Variants in STAM observed in about 807,000 individuals in gnomAD.
STAM encodes the protein signal transducing adaptor molecule, also known as signal transducing adapter molecule 1.
In STAM, 16 loss-of-function variants were observed where a neutral mutation model predicts 63.4. That is an observed-to-expected ratio of 0.25 (90% CI 0.17 to 0.38). STAM has a LOEUF of 0.38. Among genes scored for constraint, STAM ranks in the 10% least tolerant of loss-of-function variants. STAM has a pLI of 1.00. For missense variants in STAM, 636 were observed against 657.1 expected (o/e 0.97, Z 0.35); for synonymous variants, 238 against 223.9 (o/e 1.06, Z -0.56).
At chr10:17,686,729 T>C (rs942708310) in intron 4 of STAM, among the ~76,000 whole-genome samples, 7 of 152,244 alleles carry the variant, frequency 4.6e-5, no homozygotes, top group Admixed American at 1.3e-4. Context: ...TAAGTTCATG[T>C]ATAGTCTCAA....
At chr10:17,714,399 G>C (rs1836708507) in intron 13 of STAM, 144 bp from the exon 14 acceptor site, 1 of 766,826 alleles carries the variant, frequency 1.3e-6, no homozygotes, top group Non-Finnish European at 2.2e-6. Context: ...AAATAACAAT[G>C]TTTGGCACAT....
Position 17,715,217 on chromosome 10 carries a change from A to G in STAM, c.*437A>G, listed in dbSNP as rs555045009. ...TTTACGTTGCTATTTTATTTTAATC[A>G]TAAACAACTACCATGTTTCTTAATG... On this transcript the variant is annotated 3_prime_UTR_variant, in exon 14 of 14. Transcript: ENST00000377524. 50 of 171,316 alleles carry G rather than the reference A, an allele frequency of 2.9e-4. No homozygotes were observed. The highest frequency in any genetic ancestry group is 4.8e-4 in the Non-Finnish European group (37 of 77,386). 10.6% of individuals were successfully genotyped at this position (171,316 alleles called of 1,614,324 possible).
At chr10:17,695,335 A>C in intron 7 of STAM, 94 bp downstream of exon 7, 5 of 1,183,688 alleles carry the variant, frequency 4.2e-6, no homozygotes, top group Non-Finnish European at 5.9e-6. Context: ...CAAATACAAT[A>C]ATAAATATTG....
At chr10:17,686,600 G>GA in intron 4 of STAM, among the ~76,000 whole-genome samples, 1 of 152,152 alleles carries the variant, frequency 6.6e-6, no homozygotes, top group East Asian at 1.9e-4. Flanking sequence ...GGCCAGTCTC[G>GA]AACTCCTGAC....
intron 2 of STAM, among the ~76,000 whole-genome samples, chr10:17,668,464 C>T (rs1382189873): frequency 2.0e-5 from 3 of 152,156 alleles, no homozygotes; most frequent in Non-Finnish European, 2.9e-5. Context: ...CCATAGTTTG[C>T]ATTAAGGTAC....
At chr10:17,668,473 A>G (rs1428530093) in intron 2 of STAM, among the ~76,000 whole-genome samples, 3 of 152,230 alleles carry the variant, frequency 2.0e-5, no homozygotes, top group Non-Finnish European at 4.4e-5. Flanking sequence ...GCATTAAGGT[A>G]CACTTTGTTT....
intron 1 of STAM, among the ~76,000 whole-genome samples, chr10:17,650,682 C>T (rs1344265112): frequency 6.6e-6 from 1 of 152,174 alleles, no homozygotes; most frequent in Non-Finnish European, 1.5e-5. Context: ...CTGTTCTTCC[C>T]TGCTTCCAGT....
intron 1 of STAM, among the ~76,000 whole-genome samples, chr10:17,645,669 A>G (rs1833492672): frequency 6.6e-6 from 1 of 152,140 alleles, no homozygotes; most frequent in Non-Finnish European, 1.5e-5. Context: ...TTAGCAGTGG[A>G]CAGAACCTTG....
At chr10:17,663,909 A>T (rs61842290) in intron 2 of STAM, among the ~76,000 whole-genome samples, 1 of 152,028 alleles carries the variant, frequency 6.6e-6, no homozygotes, top group Non-Finnish European at 1.5e-5. Context: ...TAAGGGTCAT[A>T]TTAGGACATT....
At chr10:17,668,171 C>T (rs940178469) in intron 2 of STAM, among the ~76,000 whole-genome samples, 5 of 152,052 alleles carry the variant, frequency 3.3e-5, no homozygotes, top group Admixed American at 2.6e-4. Flanking sequence ...GGCAGTGATC[C>T]AGTAGCTAAA....
At chr10:17,705,109 T>G in intron 11 of STAM, 85 bp downstream of exon 11, 1 of 1,024,656 alleles carries the variant, frequency 9.8e-7, no homozygotes, top group African/African-American at 1.6e-5. Flanking sequence ...AACTGCCTTT[T>G]AAAAAAAAAA....
At chr10:17,655,710 T>C (rs1003254923) in intron 1 of STAM, among the ~76,000 whole-genome samples, 4 of 152,160 alleles carry the variant, frequency 2.6e-5, no homozygotes, top group African/African-American at 9.7e-5. Flanking sequence ...CATTATCACT[T>C]GGTCAAGACC....
intron 4 of STAM, 76 bp from the exon 5 acceptor site, chr10:17,687,951 T>G: frequency 7.9e-7 from 1 of 1,262,628 alleles, no homozygotes; most frequent in Non-Finnish European, 1.1e-6. Context: ...ACTTAATAAC[T>G]TTACTATTTA....
At chr10:17,685,415 C>G (rs537486913) in intron 4 of STAM, among the ~76,000 whole-genome samples, 4 of 152,000 alleles carry the variant, frequency 2.6e-5, no homozygotes, top group Non-Finnish European at 5.9e-5. Flanking sequence ...AAAGTGGTGG[C>G]GGGGGAGTTT....
intron 1 of STAM, among the ~76,000 whole-genome samples, chr10:17,646,739 A>C (rs372564298): frequency 6.6e-6 from 1 of 152,240 alleles, no homozygotes; most frequent in South Asian, 2.1e-4. Context: ...TTCCCAGTAC[A>C]TAAGCCTTGC....
rs10673746 is a variant in STAM at position 17,666,387 on chromosome 10, A to ATTTTT, written c.125+5860_125+5864dup. The stretch of plus-strand genomic sequence containing the variant: ...TAAAAATGTTTTTCCTTGGCTTTGT[A>ATTTTT]TTTTTTTTTTTTTTTTTTTTTTTTT... On this transcript the variant is annotated intron_variant, in intron 2 of 13. Coordinates refer to ENST00000377524, the MANE Select transcript of STAM (RefSeq NM_003473.4). Among the ~76,000 whole-genome samples the ATTTTT allele has an allele frequency of 6.5e-4, 56 of 85,906 alleles. 3 individuals carry two copies. The highest frequency in any genetic ancestry group is 2.0e-3 in the African/African-American group (39 of 19,972). The allele number at this position is 85,906 out of a possible 152,430, so 56.4% of individuals were successfully genotyped here.
intron 2 of STAM, among the ~76,000 whole-genome samples, chr10:17,681,957 AT>A (rs1388584812): frequency 6.6e-6 from 1 of 152,250 alleles, no homozygotes; most frequent in African/African-American, 2.4e-5. Flanking sequence ...ACCATAAAGC[AT>A]CCCCATGAAA....
At chr10:17,665,414 A>C (rs1042014932) in intron 2 of STAM, among the ~76,000 whole-genome samples, 6 of 152,100 alleles carry the variant, frequency 3.9e-5, no homozygotes, top group Non-Finnish European at 8.8e-5. Context: ...ATAAGTTACC[A>C]CTTACGTAAA....
chr10:17,712,414 A>T (rs537640608), intron 13 of STAM, among the ~76,000 whole-genome samples: 1 of 152,208 alleles, frequency 6.6e-6, no homozygotes, highest in Non-Finnish European at 1.5e-5. Flanking sequence ...TATATCTCAC[A>T]CATATGGAGT....
Sources: allele counts gnomAD v4.1 joint callset (sites outside exome capture counted in the v4.1 genomes callset), GRCh38; gene constraint gnomAD v4.1.1; transcripts MANE v1.5; gene names NCBI Gene and HGNC (gene_info 2026-07-23, HGNC 2026-07-21).